CPEB1: variants seen among roughly 807,000 people sequenced by gnomAD.
CPEB1 encodes the protein cytoplasmic polyadenylation element-binding protein 1.
A neutral mutation model predicts 65.8 loss-of-function variants in CPEB1; 7 were observed. The ratio of observed to expected loss-of-function variants is 0.11; its 90% CI spans 0.06 to 0.20. The LOEUF is 0.20. Among genes scored for constraint, CPEB1 ranks in the 10% least tolerant of loss-of-function variants. The pLI, the probability that CPEB1 is intolerant of heterozygous loss-of-function variation, is 1.00. For synonymous variants in CPEB1, 262 were observed against 260.0 expected, an observed-to-expected ratio of 1.01 and a Z score of -0.08; for missense variants, 551 against 712.2, an observed-to-expected ratio of 0.77 and a Z score of 2.58.
intron 3 of CPEB1, among the ~76,000 whole-genome samples, chr15:82,615,369 G>C (rs1280365465): frequency 1.3e-5 from 2 of 152,318 alleles, no homozygotes; most frequent in South Asian, 2.1e-4. Context: ...TTTCTGAAGT[G>C]ACAACCAAGC....
intron 3 of CPEB1, chr15:82,572,917 C>T (rs1295594767): frequency 5.1e-6 from 5 of 974,478 alleles, no homozygotes; most frequent in Admixed American, 3.4e-5. Context: ...CCTCCCACAT[C>T]GGTCCTTTTC....
chr15:82,621,619 A>AG (rs1348839595), intron 3 of CPEB1, among the ~76,000 whole-genome samples: 7 of 131,484 alleles, frequency 5.3e-5, no homozygotes, highest in Non-Finnish European at 1.0e-4. Context: ...ACTCCATCTC[A>AG]GAAAAAAAAA....
At chr15:82,609,036 A>T (rs937336297) in intron 3 of CPEB1, among the ~76,000 whole-genome samples, 2 of 152,226 alleles carry the variant, frequency 1.3e-5, no homozygotes, top group Non-Finnish European at 1.5e-5. Context: ...CAGTAACAGA[A>T]GGAAAACTGG....
At chr15:82,545,781 C>G (rs562769061) in intron 12 of CPEB1, among the ~76,000 whole-genome samples, 2 of 152,220 alleles carry the variant, frequency 1.3e-5, no homozygotes, top group African/African-American at 4.8e-5. Flanking sequence ...ACGAGGCATC[C>G]TCCTTTACAG....
At chr15:82,611,091 C>G (rs942836515) in intron 3 of CPEB1, among the ~76,000 whole-genome samples, 3 of 149,986 alleles carry the variant, frequency 2.0e-5, no homozygotes, top group African/African-American at 7.3e-5. Flanking sequence ...CTCTTCACTT[C>G]TATTCAAAAC....
intron 4 of CPEB1, among the ~76,000 whole-genome samples, chr15:82,563,898 C>T (rs530259927): frequency 2.0e-5 from 3 of 151,936 alleles, no homozygotes; most frequent in African/African-American, 7.2e-5. Context: ...TTCAAGGTAA[C>T]TTATCTAATC....
At chr15:82,621,016 A>C (rs553606040) in intron 3 of CPEB1, among the ~76,000 whole-genome samples, 152,242 of 152,336 alleles carry the variant, frequency 1, 76,075 homozygotes, top group East Asian at 1. Flanking sequence ...TTAACTGTTA[A>C]AGCCACACAG....
intron 3 of CPEB1, among the ~76,000 whole-genome samples, chr15:82,583,196 TGATTCAAGG>T (rs1193458427): frequency 6.6e-6 from 1 of 152,220 alleles, no homozygotes; most frequent in African/African-American, 2.4e-5. Context: ...AGACGACTGC[TGATTCAAGG>T]CTAGCATCAT....
chr15:82,636,990 A>G (rs1017913428), intron 1 of CPEB1, among the ~76,000 whole-genome samples: 1 of 152,184 alleles, frequency 6.6e-6, no homozygotes, highest in Admixed American at 6.5e-5. Context: ...CAATAAAAAA[A>G]CAAAGGCTCC....
chr15:82,618,461 T>G lies in CPEB1; in HGVS notation c.271+8732A>C, dbSNP rs76311138. On this transcript the variant is annotated intron_variant, in intron 3 of 12. Coordinates refer to ENST00000684509, the MANE Select transcript of CPEB1 (RefSeq NM_001365242.1). The stretch of plus-strand genomic sequence containing the variant: ...GATCAGCAAAATCAGACTTCCTGGT[T>G]CCTATAGCAAACTGGCAGTTGCCTA... Among the ~76,000 whole-genome samples the G allele has an allele frequency of 8.0e-3, 1,215 of 152,310 alleles. 18 individuals carry two copies. The highest frequency in any genetic ancestry group is 0.027 in the African/African-American group (1,113 of 41,576).
Position 82,555,916 on chromosome 15 carries a change from G to C in CPEB1, c.894C>G (p.Asp298Glu). The C allele has an allele frequency of 6.2e-7, 1 of 1,613,800 alleles. No individual in the cohort carries two copies. ...TGGCCTCTCTCTCTATGCTGAAGGGGTCTTTGGGAGCTTCGAGGAGGTCCC... is the reference window on the plus strand; with the variant it reads ...TGGCCTCTCTCTCTATGCTGAAGGGCTCTTTGGGAGCTTCGAGGAGGTCCC... Reference protein sequence around the residue: ...PSWDLLEAPKDPFSIEREARL... With the variant: ...PSWDLLEAPKEPFSIEREARL... Residue 298 changes from aspartate (D) to glutamate (E), a missense_variant, in exon 6 of 13, where the codon GAC (aspartate) becomes GAG (glutamate). Physicochemically the swap from Asp to Glu is conservative, Grantham distance 45. Transcript: ENST00000684509.
intron 3 of CPEB1, among the ~76,000 whole-genome samples, chr15:82,616,466 C>T (rs1029513989): frequency 4.0e-5 from 6 of 151,650 alleles, no homozygotes; most frequent in Non-Finnish European, 7.4e-5. Flanking sequence ...AGGTCTGAAT[C>T]AAACATATCA....
intron 4 of CPEB1, among the ~76,000 whole-genome samples, chr15:82,562,578 G>A (rs1253346850): frequency 6.6e-6 from 1 of 151,970 alleles, no homozygotes; most frequent in Admixed American, 6.6e-5. Flanking sequence ...AGTGGTTCAC[G>A]CCTGTAATAC....
In CPEB1 at chr15:82,627,129, T is replaced by C. The variant is rs2045846335; in HGVS notation, c.271+64A>G. Reference sequence around the variant, plus strand: ...AGCTTTCCAAGGAAGACCTCTTACATGCACTACTTAGAAGCAGATCTGTAC... The same window carrying C: ...AGCTTTCCAAGGAAGACCTCTTACACGCACTACTTAGAAGCAGATCTGTAC... On this transcript the variant is annotated intron_variant, in intron 3 of 12. Transcript: ENST00000684509. 1.8e-5 allele frequency: 23 copies of C among 1,294,922 alleles called. No homozygotes were observed. In the East Asian group the frequency reaches 5.6e-4, roughly 31 times the overall value. The allele number at this position is 1,294,922 out of a possible 1,614,324, so 80.2% of individuals were successfully genotyped here.
intron 3 of CPEB1, among the ~76,000 whole-genome samples, chr15:82,582,182 T>C (rs1028966471): frequency 6.6e-6 from 1 of 152,224 alleles, no homozygotes; most frequent in Non-Finnish European, 1.5e-5. Context: ...CAGTGATTCC[T>C]TCCTATTCTA....
In CPEB1 at chr15:82,549,592, G is replaced by A; in HGVS notation, c.1348C>T (p.Pro450Ser). The change falls in exon 10 of 13, where the codon CCC becomes TCC. Residue 450 changes from proline (P) to serine (S), a missense_variant. By Grantham distance (74) the Pro-to-Ser change is moderately conservative. Around this residue, in one of 6 missense-constraint regions of CPEB1, gnomAD observed 99 missense variants for 161.3 expected, o/e 0.61. Transcript: ENST00000684509. ...FVRSPSQRLDPSRTVFVGALH... is the reference protein window; with the variant it reads ...FVRSPSQRLDSSRTVFVGALH... Reference sequence around the variant, plus strand: ...GCACCGACAAACACCGTCCTGCTGGGGTCAAGCCTCTGAGATGGGCTCCGG... The same window carrying A: ...GCACCGACAAACACCGTCCTGCTGGAGTCAAGCCTCTGAGATGGGCTCCGG... 4 of 1,614,166 alleles carry A rather than the reference G, an allele frequency of 2.5e-6. No homozygotes were observed. Among genetic ancestry groups the A allele is most frequent in the Non-Finnish European group, 3.4e-6 (4 of 1,180,030 alleles).
rs193232085 is a variant in CPEB1, at chr15:82,630,117, G to A, written c.-97-1561C>T. The A allele has an allele frequency of 5.1e-6, 5 of 985,242 alleles. No individual in the cohort carries two copies. In the South Asian group the frequency reaches 1.9e-4, roughly 37 times the overall value. 61.0% of individuals were successfully genotyped at this position (985,242 alleles called of 1,614,324 possible). On this transcript the variant is annotated intron_variant, in intron 1 of 12. Transcript: ENST00000684509. ...GCTAAGATGCAAAGATTTATAACCT[G>A]CAGAGAGGAGGTCTCGCTGTGTTGC...
At chr15:82,626,147 A>C (rs1440030254) in intron 3 of CPEB1, among the ~76,000 whole-genome samples, 1 of 150,020 alleles carries the variant, frequency 6.7e-6, no homozygotes, top group Admixed American at 6.6e-5. Flanking sequence ...ACAAAATATA[A>C]AATAAAGGCC....
chr15:82,546,778 T>TG (rs1281380924), intron 11 of CPEB1, among the ~76,000 whole-genome samples: 1 of 152,186 alleles, frequency 6.6e-6, no homozygotes, highest in African/African-American at 2.4e-5. Flanking sequence ...CCTTAATGCC[T>TG]GGTCTTCTAG....
Sources: gnomAD v4.1 joint callset for allele counts (sites outside exome capture counted in the v4.1 genomes callset) on GRCh38, gnomAD v4.1.1 for gene constraint, gnomAD v4.1.1 regional missense constraint, MANE v1.5 for transcripts, NCBI Gene and HGNC (gene_info 2026-07-23, HGNC 2026-07-21) for gene names.